The following LIMK2 variants were observed in gnomAD, a reference collection of about 807,000 sequenced individuals.
The protein encoded by LIMK2 is LIM domain kinase 2.
Under a neutral mutation model 75.7 loss-of-function variants are expected in LIMK2, and 35 were observed. The ratio of observed to expected loss-of-function variants is 0.46; its 90% CI spans 0.35 to 0.61. The LOEUF is 0.61. Ranked by LOEUF, LIMK2 falls within the 20% of genes least tolerant of loss-of-function variation. LIMK2 has a pLI of 0.00. For missense variants in LIMK2, 623 were observed against 831.0 expected (o/e 0.75, Z 3.08); for synonymous variants, 301 against 319.2 (o/e 0.94, Z 0.61).
chr22:31,276,912 G>A lies in LIMK2; in HGVS notation c.1773-1385G>A, dbSNP rs1376970166. 6.8e-6 allele frequency: 11 copies of A among 1,613,342 alleles called. No homozygotes were observed. In the Middle Eastern group the frequency reaches 5.3e-4, roughly 77 times the overall value. ...AGCTACGGAAGCACCTCAACCTAGA[G>A]GAGTGGATCCTGGAGCAGCTCACGC... On this transcript the variant is annotated intron_variant, in intron 15 of 15. Coordinates refer to ENST00000331728, the MANE Select transcript of LIMK2 (RefSeq NM_005569.4).
chr22:31,262,539 A>G lies in LIMK2; in HGVS notation c.658-56A>G, dbSNP rs1288135942. On this transcript the variant is annotated intron_variant, in intron 6 of 15. Coordinates refer to ENST00000331728, the MANE Select transcript of LIMK2 (RefSeq NM_005569.4). This position sits in a 1 kb window ranked among gnomAD's most constrained non-coding sequence, Gnocchi z 5.0. Reference sequence around the variant, plus strand: ...TGTGCCTGAGTCATCTGGGTTGGCCATGGGTGGCCTGGGATGGGGCAGCCT... The same window carrying G: ...TGTGCCTGAGTCATCTGGGTTGGCCGTGGGTGGCCTGGGATGGGGCAGCCT... 5.2e-6 allele frequency: 8 copies of G among 1,541,456 alleles called. No homozygotes were observed. Among genetic ancestry groups the G allele is most frequent in the East Asian group, 2.3e-5 (1 of 44,230 alleles).
chr22:31,246,030 G>A lies in LIMK2; in HGVS notation c.117-12261G>A, dbSNP rs371114573. On this transcript the variant is annotated intron_variant, in intron 2 of 15. Coordinates refer to ENST00000331728, the MANE Select transcript of LIMK2 (RefSeq NM_005569.4). ...TGTACTAAAAACACAAAAATTAGCC[G>A]AGCATGGTGGCATGCGCCTGTAGTC... Among the ~76,000 whole-genome samples, 78 of 152,046 alleles carry A rather than the reference G, an allele frequency of 5.1e-4. 1 individual carries two copies. In the South Asian group the frequency reaches 0.011, roughly 22 times the overall value.
chr22:31,237,975 C>T (rs1414132986), intron 2 of LIMK2, among the ~76,000 whole-genome samples: 1 of 150,856 alleles, frequency 6.6e-6, no homozygotes, highest in South Asian at 2.1e-4. Flanking sequence ...ATTAGCCAGG[C>T]ATGATGGCAG....
At chr22:31,241,820 C>T (rs1473301212) in intron 2 of LIMK2, among the ~76,000 whole-genome samples, 1 of 152,126 alleles carries the variant, frequency 6.6e-6, no homozygotes, top group African/African-American at 2.4e-5. Context: ...TTACAGAGGG[C>T]TTTTGTACTC....
chr22:31,257,312 A>AC (rs1278187436), intron 2 of LIMK2, among the ~76,000 whole-genome samples: 1 of 152,134 alleles, frequency 6.6e-6, no homozygotes. Flanking sequence ...AGTTCAAAGA[A>AC]CACCTACATA....
At position 31,269,058 on chromosome 22, in the gene LIMK2, T is replaced by TTG. The variant is rs1569001205; in HGVS notation, c.1317+859_1317+860insGT. Among the ~76,000 whole-genome samples, 29 of 147,194 alleles carry TTG rather than the reference T, an allele frequency of 2.0e-4. No individual in the cohort carries two copies. In the Middle Eastern group the frequency reaches 0.021, roughly 104 times the overall value. On this transcript the variant is annotated intron_variant, in intron 11 of 15. Coordinates refer to ENST00000331728, the MANE Select transcript of LIMK2 (RefSeq NM_005569.4). ...TTTTTGTTTGTTTGTTTGTTTGTTT[T>TTG]TTTGTTTTTTTTTCCTGTTTCTGGG... is the stretch of plus-strand genomic sequence containing the variant.
intron 2 of LIMK2, among the ~76,000 whole-genome samples, chr22:31,237,284 T>G (rs1601411714): frequency 1.6e-5 from 2 of 126,824 alleles, no homozygotes; most frequent in African/African-American, 6.1e-5. Context: ...AAAATGGAGG[T>G]TGGGCGCGGT....
At chr22:31,238,820 A>T (rs1186768202) in intron 2 of LIMK2, among the ~76,000 whole-genome samples, 1 of 152,196 alleles carries the variant, frequency 6.6e-6, no homozygotes, top group Non-Finnish European at 1.5e-5. Context: ...GTGATTTTTC[A>T]GGTGTTCCCT....
intron 2 of LIMK2, among the ~76,000 whole-genome samples, chr22:31,231,569 A>T (rs1428774925): frequency 6.6e-6 from 1 of 151,930 alleles, no homozygotes; most frequent in East Asian, 1.9e-4. Flanking sequence ...CCTACAAGAG[A>T]CTCCAGCCTG....
chr22:31,231,592 T>C (rs945296163), intron 2 of LIMK2, among the ~76,000 whole-genome samples: 1 of 152,236 alleles, frequency 6.6e-6, no homozygotes, highest in Admixed American at 6.5e-5. Flanking sequence ...CACAGAGTGG[T>C]ACTCCTAGGA....
In LIMK2 at chr22:31,267,896, C is replaced by G. The variant is rs1238726323; in HGVS notation, c.1249C>G (p.Leu417Val). ...TGAGGGGGGCACACTGAAGGACTTT[C>G]TGCGCAGTATGGTGAGCACACCACC... ...YIEGGTLKDF[L>V]RSMDPFPWQQ... Residue 417 changes from leucine to valine, a missense_variant, in exon 10 of 16, where the codon CTG becomes GTG. Transcript: ENST00000331728. The G allele has an allele frequency of 3.2e-5, 51 of 1,601,668 alleles. No individual in the cohort carries two copies. The highest frequency in any genetic ancestry group is 4.3e-5 in the Non-Finnish European group (50 of 1,174,920).
intron 2 of LIMK2, among the ~76,000 whole-genome samples, chr22:31,235,216 G>A (rs1175926834): frequency 1.3e-5 from 2 of 152,100 alleles, no homozygotes; most frequent in Non-Finnish European, 2.9e-5. Flanking sequence ...AATTGCTAGA[G>A]GTGGCCAAGA....
chr22:31,271,837 T>C (rs1277043221), intron 12 of LIMK2, among the ~76,000 whole-genome samples: 2 of 152,200 alleles, frequency 1.3e-5, no homozygotes, highest in African/African-American at 4.8e-5. Context: ...TTCTGTCTTA[T>C]CCTGGTTCTA....
chr22:31,273,827 A>T lies in LIMK2; in HGVS notation c.1614+320A>T, dbSNP rs1601446365. Among the ~76,000 whole-genome samples the T allele has an allele frequency of 5.3e-5, 8 of 152,042 alleles. 2 individuals are homozygous for T. The highest frequency in any genetic ancestry group is 5.2e-4 in the Admixed American group (8 of 15,270). On this transcript the variant is annotated intron_variant, in intron 14 of 15. Coordinates refer to ENST00000331728, the MANE Select transcript of LIMK2 (RefSeq NM_005569.4). ...ATTCTCCTGCCTCAGCCTCCCAAGTAGCTGGGACTACCGGCACACACCACC... is the reference window on the plus strand; with the variant it reads ...ATTCTCCTGCCTCAGCCTCCCAAGTTGCTGGGACTACCGGCACACACCACC...
Position 31,212,349 on chromosome 22 carries a change from A to G in LIMK2, c.-60A>G. 4.5e-6 allele frequency: 6 copies of G among 1,323,352 alleles called. No individual in the cohort carries two copies. Among genetic ancestry groups the G allele is most frequent in the Non-Finnish European group, 5.8e-6 (6 of 1,027,892 alleles). The allele number at this position is 1,323,352 out of a possible 1,614,324, so 82.0% of individuals were successfully genotyped here. A position where few individuals can be genotyped will look rare whatever the true frequency, so the allele number is the denominator to read the frequency against. ...GCAGGAGCTGAGGGGAGTTGTAGGG[A>G]ACTGAGGGGAGCTGCTGTGTCCCCC... On this transcript the variant is annotated 5_prime_UTR_variant, in exon 1 of 16. Transcript: ENST00000331728.
chr22:31,217,430 G>C (rs1888483579), intron 1 of LIMK2, among the ~76,000 whole-genome samples: 1 of 151,894 alleles, frequency 6.6e-6, no homozygotes, highest in South Asian at 2.1e-4. Context: ...TTGGAGACTA[G>C]ACCTGTGGTC....
At chr22:31,275,035 A>T (rs2048998983) in intron 14 of LIMK2, 116 bp from the exon 15 acceptor site, 1 of 1,001,024 alleles carries the variant, frequency 1.0e-6, no homozygotes, top group Non-Finnish European at 1.6e-6. Flanking sequence ...TCTCTAACCT[A>T]TTTTACCACC....
intron 11 of LIMK2, among the ~76,000 whole-genome samples, chr22:31,269,176 GC>G (rs2048929245): frequency 1.3e-5 from 2 of 151,924 alleles, no homozygotes; most frequent in Admixed American, 1.3e-4. Context: ...CACGATCATG[GC>G]TCACTACAGC....
intron 15 of LIMK2, among the ~76,000 whole-genome samples, chr22:31,276,458 G>GC (rs2049017386): frequency 6.7e-6 from 1 of 149,926 alleles, no homozygotes; most frequent in Admixed American, 6.6e-5. Context: ...CGCTTCGGCG[G>GC]CGGCAGCCCC....
Sources: allele counts gnomAD v4.1 joint callset (sites outside exome capture counted in the v4.1 genomes callset), GRCh38; gene constraint gnomAD v4.1.1; non-coding constraint Gnocchi (gnomAD v3.1); transcripts MANE v1.5; gene names NCBI Gene and HGNC (gene_info 2026-07-23, HGNC 2026-07-21).